Variants in QRICH1 observed in about 807,000 individuals in gnomAD.
QRICH1 encodes transcriptional regulator QRICH1.
A neutral mutation model predicts 87.1 loss-of-function variants in QRICH1; 16 were observed. The observed-to-expected ratio is 0.18, with a 90% CI of 0.12 to 0.28. QRICH1 has a LOEUF of 0.28. Ranked by LOEUF, QRICH1 falls within the 10% of genes least tolerant of loss-of-function variation. QRICH1 has a pLI of 1.00. For missense variants in QRICH1, 647 were observed against 951.7 expected, an observed-to-expected ratio of 0.68 and a Z score of 4.21; for synonymous variants, 367 against 368.4, an observed-to-expected ratio of 1.00 and a Z score of 0.05.
intron 6 of QRICH1, 65 bp downstream of exon 6, chr3:49,044,324 AC>A: frequency 7.8e-7 from 1 of 1,282,990 alleles, no homozygotes; most frequent in Non-Finnish European, 1.1e-6. Context: ...ATAGCCAACC[AC>A]AGAAGCTATT....
At chr3:49,081,778 G>A (rs2042065819) in intron 1 of QRICH1, among the ~76,000 whole-genome samples, 1 of 151,958 alleles carries the variant, frequency 6.6e-6, no homozygotes, top group African/African-American at 2.4e-5. Flanking sequence ...TGGGATTACA[G>A]GCGTGAGCCA....
intron 2 of QRICH1, among the ~76,000 whole-genome samples, chr3:49,067,395 G>A (rs183087511): frequency 7.9e-4 from 120 of 151,040 alleles, no homozygotes; most frequent in African/African-American, 2.8e-3. Flanking sequence ...GTGAAACCCC[G>A]TCTCTACTAA....
At chr3:49,094,082 T>A, upstream of QRICH1, 1 of 398,664 alleles carries the variant, frequency 2.5e-6, no homozygotes, top group Non-Finnish European at 4.4e-6. Flanking sequence ...AGGAGCCGAT[T>A]GCTCCTCTCG....
chr3:49,062,195 C>T (rs761676972), intron 2 of QRICH1, among the ~76,000 whole-genome samples: 2 of 151,774 alleles, frequency 1.3e-5, no homozygotes, highest in African/African-American at 2.4e-5. Flanking sequence ...ATTAGCTGGG[C>T]GTGGTTACAC....
chr3:49,093,524 G>A (rs2042319592), intron 1 of QRICH1: 1 of 151,834 alleles, frequency 6.6e-6, no homozygotes, highest in South Asian at 2.1e-4. Context: ...CCCCAAAACT[G>A]GGGGTCGTCA....
chr3:49,092,938 T>A (rs1009268194), intron 1 of QRICH1, among the ~76,000 whole-genome samples: 1 of 152,216 alleles, frequency 6.6e-6, no homozygotes, highest in Non-Finnish European at 1.5e-5. Flanking sequence ...AGTAAGCCCC[T>A]CCCACTTACG....
rs200332035 is a variant in QRICH1 at position 49,035,923 on chromosome 3, A to C, written c.1787-2695T>G. 6.0e-3 allele frequency among the ~76,000 whole-genome samples: 118 copies of C among 19,700 alleles called. 1 individual carries two copies. The highest frequency in any genetic ancestry group is 0.013 in the African/African-American group (108 of 8,256). The allele number at this position is 19,700 out of a possible 152,430, so 12.9% of individuals were successfully genotyped here. A position where few individuals can be genotyped will look rare whatever the true frequency, so the allele number is the denominator to read the frequency against. On this transcript the variant is annotated intron_variant, in intron 6 of 9. Coordinates refer to ENST00000395443, the MANE Select transcript of QRICH1 (RefSeq NM_198880.3). ...AACCCCATTTCTACAAAAAAAAAAA[A>C]AAAAACAAAAACTAGCCAGGTGTGG...
intron 2 of QRICH1, among the ~76,000 whole-genome samples, chr3:49,060,982 T>C (rs1422278804): frequency 6.6e-6 from 1 of 150,832 alleles, no homozygotes; most frequent in Non-Finnish European, 1.5e-5. Flanking sequence ...ACTAAAAATA[T>C]AAAAAATTAT....
chr3:49,039,881 G>A (rs1326971329), intron 6 of QRICH1, among the ~76,000 whole-genome samples: 1 of 151,924 alleles, frequency 6.6e-6, no homozygotes, highest in Non-Finnish European at 1.5e-5. Flanking sequence ...CCAACATGGT[G>A]AAACCCTGTC....
chr3:49,046,951 C>A, intron 4 of QRICH1, 118 bp downstream of exon 4: 1 of 1,157,146 alleles, frequency 8.6e-7, no homozygotes, highest in Non-Finnish European at 1.2e-6. Context: ...CATACTATTA[C>A]AGATGTTGCT....
chr3:49,046,255 T>A (rs1280933558), intron 5 of QRICH1, among the ~76,000 whole-genome samples, 170 bp downstream of exon 5: 1 of 144,576 alleles, frequency 6.9e-6, no homozygotes, highest in Non-Finnish European at 1.5e-5. Context: ...TGTAGGTTTT[T>A]AAAACTTAAA....
At chr3:49,030,871 C>T (rs2093232998) in intron 9 of QRICH1, among the ~76,000 whole-genome samples, 1 of 152,148 alleles carries the variant, frequency 6.6e-6, no homozygotes, top group African/African-American at 2.4e-5. Flanking sequence ...TTCCCACAAA[C>T]CAGCTGTGAT....
At chr3:49,087,324 T>A (rs976182268) in intron 1 of QRICH1, among the ~76,000 whole-genome samples, 2 of 151,322 alleles carry the variant, frequency 1.3e-5, no homozygotes. Flanking sequence ...TTTGGGAGGC[T>A]GAGGCAGGCA....
intron 1 of QRICH1, among the ~76,000 whole-genome samples, chr3:49,078,519 C>T (rs547236205): frequency 1.1e-4 from 17 of 149,098 alleles, no homozygotes; most frequent in South Asian, 4.3e-4. Context: ...CTCAGCCTCC[C>T]GAGTAGCTGG....
At chr3:49,058,029 G>C in intron 2 of QRICH1, 139 bp from the exon 3 acceptor site, 1 of 1,436,306 alleles carries the variant, frequency 7.0e-7, no homozygotes, top group Non-Finnish European at 9.4e-7. Flanking sequence ...CTTCTGAGAA[G>C]GACACAATAC....
chr3:49,071,051 A>C (rs1028854999), intron 2 of QRICH1, among the ~76,000 whole-genome samples: 1 of 133,408 alleles, frequency 7.5e-6, no homozygotes, highest in Non-Finnish European at 1.6e-5. Flanking sequence ...AAAACACTCC[A>C]AACTTAAATC....
intron 3 of QRICH1, among the ~76,000 whole-genome samples, chr3:49,050,248 C>CAAAAAA (rs527597101): frequency 9.2e-4 from 48 of 52,406 alleles, no homozygotes; most frequent in African/African-American, 2.5e-3. Flanking sequence ...GACTCCGTCT[C>CAAAAAA]AAAAAAAAAA....
chr3:49,066,615 C>A (rs1195987675), intron 2 of QRICH1, among the ~76,000 whole-genome samples: 1 of 152,012 alleles, frequency 6.6e-6, no homozygotes, highest in East Asian at 1.9e-4. Flanking sequence ...CTGGCACCTG[C>A]CACCCGTGCC....
intron 2 of QRICH1, among the ~76,000 whole-genome samples, chr3:49,062,316 C>G (rs1049030827): frequency 2.8e-5 from 4 of 142,472 alleles, no homozygotes; most frequent in Non-Finnish European, 6.0e-5. Context: ...CAGTCAAGGA[C>G]AGAGTGAGAC....
Sources: allele counts gnomAD v4.1 joint callset (sites outside exome capture counted in the v4.1 genomes callset), GRCh38; gene constraint gnomAD v4.1.1; transcripts MANE v1.5; gene names NCBI Gene and HGNC (gene_info 2026-07-23, HGNC 2026-07-21).